LEPR: variants seen among roughly 807,000 people sequenced by gnomAD.
The protein encoded by LEPR is leptin receptor.
A neutral mutation model predicts 114.7 loss-of-function variants in LEPR; 56 were observed. The ratio of observed to expected loss-of-function variants is 0.49; its 90% CI spans 0.39 to 0.61. LEPR has a LOEUF of 0.61. LEPR is among the 20% of genes least tolerant of loss of function. The pLI is 0.00. For missense variants in LEPR, 1,202 were observed against 1,352.9 expected (o/e 0.89, Z 1.75); for synonymous variants, 443 against 461.4 (o/e 0.96, Z 0.51).
intron 2 of LEPR, among the ~76,000 whole-genome samples, chr1:65,461,987 CTG>C (rs1278041901): frequency 3.9e-5 from 6 of 152,090 alleles, no homozygotes; most frequent in Admixed American, 3.9e-4. Flanking sequence ...GTCTTAGAAA[CTG>C]TTTTTTAAAA....
intron 2 of LEPR, among the ~76,000 whole-genome samples, chr1:65,455,956 C>T (rs566721848): frequency 5.9e-5 from 9 of 152,160 alleles, no homozygotes; most frequent in Non-Finnish European, 1.2e-4. Context: ...TAGGACCCTC[C>T]GAGCCAGGTG....
chr1:65,592,263 T>C (rs1655748154), intron 5 of LEPR, among the ~76,000 whole-genome samples: 1 of 151,276 alleles, frequency 6.6e-6, no homozygotes. Context: ...TTTTTTTTTT[T>C]TTTTGCCTGA....
At chr1:65,555,892 AG>A (rs1652782721) in intron 2 of LEPR, among the ~76,000 whole-genome samples, 1 of 152,092 alleles carries the variant, frequency 6.6e-6, no homozygotes, top group African/African-American at 2.4e-5. Context: ...ATGTCATGTG[AG>A]GATGTCAACC....
chr1:65,452,819 T>C (rs1333526462), intron 2 of LEPR, among the ~76,000 whole-genome samples: 3 of 152,186 alleles, frequency 2.0e-5, no homozygotes, highest in Non-Finnish European at 4.4e-5. Flanking sequence ...GGATTCCCTC[T>C]TTTTCTATTG....
At chr1:65,550,736 C>A (rs184519043) in intron 2 of LEPR, among the ~76,000 whole-genome samples, 1 of 152,260 alleles carries the variant, frequency 6.6e-6, no homozygotes, top group East Asian at 1.9e-4. Flanking sequence ...TTTCCTTGAC[C>A]GGGAAAGGGA....
At chr1:65,591,740 A>G (rs1191420568) in intron 5 of LEPR, among the ~76,000 whole-genome samples, 1 of 151,948 alleles carries the variant, frequency 6.6e-6, no homozygotes, top group Non-Finnish European at 1.5e-5. Flanking sequence ...TAGGTTGTTT[A>G]TAATTGGGTC....
intron 14 of LEPR, among the ~76,000 whole-genome samples, chr1:65,615,165 T>C (rs933404466): frequency 6.6e-6 from 1 of 152,206 alleles, no homozygotes. Context: ...TATTTTTCTC[T>C]GCCATTTCTA....
intron 2 of LEPR, among the ~76,000 whole-genome samples, chr1:65,500,779 C>T (rs2100522005): frequency 6.6e-6 from 1 of 152,180 alleles, no homozygotes; most frequent in Middle Eastern, 3.4e-3. Flanking sequence ...ATGCAAGTTT[C>T]TACTGCACGA....
At chr1:65,433,395 G>C in intron 2 of LEPR, 1 of 985,434 alleles carries the variant, frequency 1.0e-6, no homozygotes, top group South Asian at 4.7e-5. Context: ...TGTAATCACA[G>C]TTTTCCCTGC....
chr1:65,520,654 T>C (rs2100580784), intron 2 of LEPR, among the ~76,000 whole-genome samples: 1 of 138,448 alleles, frequency 7.2e-6, no homozygotes, highest in Non-Finnish European at 1.5e-5. Flanking sequence ...AAATATTGCA[T>C]GTGGAGTGGA....
chr1:65,628,091 A>T (rs1658323683), intron 19 of LEPR, among the ~76,000 whole-genome samples: 1 of 152,116 alleles, frequency 6.6e-6, no homozygotes. Flanking sequence ...GTATTTCTAA[A>T]AGAAAAATGA....
At chr1:65,474,339 A>T (rs972193881) in intron 2 of LEPR, among the ~76,000 whole-genome samples, 2 of 152,126 alleles carry the variant, frequency 1.3e-5, no homozygotes, top group Admixed American at 1.3e-4. Flanking sequence ...CTGTGGCTCC[A>T]TTTTTCATAC....
intron 19 of LEPR, among the ~76,000 whole-genome samples, chr1:65,623,990 C>T (rs1658041335): frequency 6.6e-6 from 1 of 152,066 alleles, no homozygotes; most frequent in African/African-American, 2.4e-5. Flanking sequence ...ATTTCTACCC[C>T]CTTTAAGTTC....
intron 2 of LEPR, among the ~76,000 whole-genome samples, chr1:65,527,636 T>G (rs1650063562): frequency 6.6e-6 from 1 of 152,310 alleles, no homozygotes; most frequent in Middle Eastern, 3.4e-3. Flanking sequence ...TAAAACAATC[T>G]TTTCTCACCC....
At chr1:65,587,646 A>G (rs1249411832) in intron 5 of LEPR, among the ~76,000 whole-genome samples, 1 of 152,006 alleles carries the variant, frequency 6.6e-6, no homozygotes, top group Non-Finnish European at 1.5e-5. Flanking sequence ...TCTCAATGTT[A>G]ATTTAGTGTG....
chr1:65,556,447 T>C (rs903399213), intron 2 of LEPR, among the ~76,000 whole-genome samples: 15 of 152,066 alleles, frequency 9.9e-5, no homozygotes, highest in African/African-American at 3.6e-4. Flanking sequence ...TATTTATCTA[T>C]ATCAGGAATT....
intron 2 of LEPR, among the ~76,000 whole-genome samples, chr1:65,511,889 C>G (rs1009826824): frequency 6.6e-6 from 1 of 152,114 alleles, no homozygotes. Context: ...TTAGTCTGCT[C>G]TCTAATTGCT....
intron 2 of LEPR, among the ~76,000 whole-genome samples, chr1:65,518,901 CTT>C (rs1649451603): frequency 1.1e-5 from 1 of 93,920 alleles, no homozygotes; most frequent in Non-Finnish European, 2.5e-5. Flanking sequence ...TTCTTTCTTT[CTT>C]TCTTTCTTTC....
intron 2 of LEPR, among the ~76,000 whole-genome samples, chr1:65,465,424 TGAG>T (rs1646998334): frequency 6.6e-6 from 1 of 152,350 alleles, no homozygotes; most frequent in Admixed American, 6.5e-5. Context: ...TTACATTTGC[TGAG>T]GAGTGTTTTA....
Sources: gnomAD v4.1 joint callset for allele counts (sites outside exome capture counted in the v4.1 genomes callset) on GRCh38, gnomAD v4.1.1 for gene constraint, MANE v1.5 for transcripts, NCBI Gene and HGNC (gene_info 2026-07-23, HGNC 2026-07-21) for gene names.